Variants in TCF7L2 observed in about 807,000 individuals in gnomAD.
TCF7L2 encodes the protein transcription factor 7 like 2, also known as transcription factor 7-like 2.
In TCF7L2, 23 loss-of-function variants were observed where a neutral mutation model predicts 77.9. That is an observed-to-expected ratio of 0.30 (90% CI 0.21 to 0.42). The LOEUF (loss-of-function observed/expected upper bound fraction) is 0.42. Ranked by LOEUF, TCF7L2 falls within the 10% of genes least tolerant of loss-of-function variation. TCF7L2 has a pLI of 1.00. For missense variants in TCF7L2, 654 were observed against 793.1 expected (o/e 0.82, Z 2.11); for synonymous variants, 413 against 340.2 (o/e 1.21, Z -2.36).
intron 4 of TCF7L2, among the ~76,000 whole-genome samples, chr10:112,999,439 C>T (rs182476514): frequency 6.6e-6 from 1 of 152,182 alleles, no homozygotes; most frequent in Non-Finnish European, 1.5e-5. Context: ...ATAATAGTAT[C>T]TTGTCTTAGC....
At chr10:113,005,009 C>T (rs1314141860) in intron 4 of TCF7L2, among the ~76,000 whole-genome samples, 6 of 152,212 alleles carry the variant, frequency 3.9e-5, no homozygotes, top group Admixed American at 3.9e-4. Context: ...TCTGATGCCT[C>T]AGAAAGTCTT....
rs752575439 is a variant in TCF7L2, at chr10:113,165,739, C to G, written c.1576C>G (p.Leu526Val). ...GTCGCTGTCCCTGAAGCCCGACCCC[C>G]TGGCCCACCTGTCCATGATGCCTCC... The change falls in exon 14 of 14, where the codon CTG (leucine) becomes GTG (valine). Residue 526 changes from leucine to valine, a missense_variant. Physicochemically the swap from Leu to Val is conservative, Grantham distance 32. Around this residue, in one of 6 missense-constraint regions of TCF7L2, gnomAD observed 272 missense variants for 215.4 expected, o/e 1.26. Transcript: ENST00000627217. 1.2e-6 allele frequency: 2 copies of G among 1,612,960 alleles called. No homozygotes were observed. Among genetic ancestry groups the G allele is most frequent in the South Asian group, 2.2e-5 (2 of 90,890 alleles).
intron 4 of TCF7L2, 26 bp from the exon 5 acceptor site, chr10:113,039,999 A>T (rs1036875487): frequency 6.2e-7 from 1 of 1,602,192 alleles, no homozygotes; most frequent in South Asian, 1.1e-5. Flanking sequence ...ATTGTTTTTC[A>T]TTTCACTTTT....
rs1589556356 is a variant in TCF7L2, at chr10:112,950,689, T to G, written c.-68T>G. 1 of 1,495,412 alleles carries G rather than the reference T, an allele frequency of 6.7e-7. No homozygotes were observed. Among genetic ancestry groups the G allele is most frequent in the Admixed American group, 2.5e-5 (1 of 39,996 alleles). 92.6% of individuals were successfully genotyped at this position (1,495,412 alleles called of 1,614,324 possible). A position where few individuals can be genotyped will look rare whatever the true frequency, so the allele number is the denominator to read the frequency against. The stretch of plus-strand genomic sequence containing the variant: ...TTGGGGGGGCAAAACTTTTTGGGGG[T>G]GATTTTTTTTGGCTTTTCTTCCTCC... On this transcript the variant is annotated 5_prime_UTR_variant, in exon 1 of 14. Transcript: ENST00000627217.
intron 5 of TCF7L2, among the ~76,000 whole-genome samples, chr10:113,140,979 A>G (rs2068266004): frequency 6.6e-6 from 1 of 152,170 alleles, no homozygotes; most frequent in Admixed American, 6.5e-5. Flanking sequence ...AATAAAAACT[A>G]AAGCAGACCC....
At chr10:113,030,686 A>G (rs372884854) in intron 4 of TCF7L2, among the ~76,000 whole-genome samples, 1 of 152,326 alleles carries the variant, frequency 6.6e-6, no homozygotes, top group African/African-American at 2.4e-5. Flanking sequence ...GCCAAGGAGC[A>G]TTAGCCTGTC....
At chr10:113,026,138 A>G (rs893498257) in intron 4 of TCF7L2, among the ~76,000 whole-genome samples, 3 of 150,546 alleles carry the variant, frequency 2.0e-5, no homozygotes, top group African/African-American at 7.3e-5. Flanking sequence ...CTCGGCCTCC[A>G]GAAGTGCTGG....
intron 13 of TCF7L2, among the ~76,000 whole-genome samples, chr10:113,160,884 T>C (rs957717223): frequency 1.3e-5 from 2 of 152,118 alleles, no homozygotes; most frequent in African/African-American, 2.4e-5. Context: ...TTCTCTCTTT[T>C]CCCCCTGCTC....
intron 5 of TCF7L2, among the ~76,000 whole-genome samples, chr10:113,107,673 G>A (rs2062527865): frequency 6.8e-6 from 1 of 146,186 alleles, no homozygotes; most frequent in South Asian, 2.2e-4. Flanking sequence ...AACCCGGGAG[G>A]CGGAGCTTAC....
At chr10:113,161,344 A>G (rs1224938727) in intron 13 of TCF7L2, 4 of 559,654 alleles carry the variant, frequency 7.1e-6, no homozygotes, top group Non-Finnish European at 1.3e-5. Flanking sequence ...CAGAATTAAC[A>G]AAATATATGT....
In TCF7L2 at chr10:112,951,489, AGAGGCAAGATG is replaced by A; in HGVS notation, c.268_278del (p.Gln90AlafsTer3). On this transcript the variant is annotated frameshift_variant, in exon 3 of 14. Coordinates refer to ENST00000627217, the MANE Select transcript of TCF7L2 (RefSeq NM_001146274.2). LOFTEE classifies it high-confidence loss of function. ...CGCCGCCCCGCCATGTTAGCGGCCA[AGAGGCAAGATG>A]GAGGGCTCTTTAAGGGGCCACCGTA... The A allele has an allele frequency of 7.0e-7, 1 of 1,431,192 alleles. No individual in the cohort carries two copies. Among genetic ancestry groups the A allele is most frequent in the Non-Finnish European group, 9.3e-7 (1 of 1,069,844 alleles). 88.7% of individuals were successfully genotyped at this position (1,431,192 alleles called of 1,614,324 possible). A position where few individuals can be genotyped will look rare whatever the true frequency, so the allele number is the denominator to read the frequency against.
intron 4 of TCF7L2, among the ~76,000 whole-genome samples, chr10:112,984,364 C>T (rs568114976): frequency 6.6e-6 from 1 of 152,198 alleles, no homozygotes; most frequent in Admixed American, 6.5e-5. Flanking sequence ...TGGCCTTAGG[C>T]TGCGGAAGGC....
rs555376267 is a variant in TCF7L2 at position 113,058,186 on chromosome 10, C to T, written c.552+18060C>T. On this transcript the variant is annotated intron_variant, in intron 5 of 13. Transcript: ENST00000627217. ...TCTTTCAACCTTGGTTCAGTAACAA[C>T]TTGTGACTGCCCAACAGGGCTTCCT... Among the ~76,000 whole-genome samples the T allele has an allele frequency of 5.7e-4, 87 of 152,314 alleles. 1 individual carries two copies. The South Asian group carries it at 0.018, about 31-fold the overall frequency.
chr10:112,982,548 T>C (rs1458080188), intron 4 of TCF7L2, among the ~76,000 whole-genome samples: 1 of 152,212 alleles, frequency 6.6e-6, no homozygotes, highest in African/African-American at 2.4e-5. Flanking sequence ...TTTTCCCCGC[T>C]TGCTTAGTAC....
intron 5 of TCF7L2, among the ~76,000 whole-genome samples, chr10:113,072,056 A>G (rs200457541): frequency 7.0e-6 from 1 of 142,418 alleles, no homozygotes; most frequent in Non-Finnish European, 1.6e-5. Flanking sequence ...TAATTAATTA[A>G]TTAGTTTATT....
intron 4 of TCF7L2, among the ~76,000 whole-genome samples, chr10:112,986,947 G>A (rs144013776): frequency 1.3e-3 from 193 of 152,286 alleles, no homozygotes; most frequent in African/African-American, 4.5e-3. Context: ...ATTGGTGGGT[G>A]AAGACATGCA....
At chr10:113,022,443 A>G (rs558256622) in intron 4 of TCF7L2, among the ~76,000 whole-genome samples, 3 of 152,314 alleles carry the variant, frequency 2.0e-5, no homozygotes, top group South Asian at 4.1e-4. Context: ...AGGAGCCCAT[A>G]TGGAGAAACA....
chr10:113,132,757 A>T (rs1292605075), intron 5 of TCF7L2: 1 of 152,216 alleles, frequency 6.6e-6, no homozygotes, highest in Non-Finnish European at 1.5e-5. Context: ...TAATCATTTA[A>T]TACCCAAGTA....
intron 5 of TCF7L2, among the ~76,000 whole-genome samples, chr10:113,096,580 T>G (rs2060995259): frequency 6.7e-6 from 1 of 150,292 alleles, no homozygotes; most frequent in Non-Finnish European, 1.5e-5. Context: ...AGTAGTTTCT[T>G]TTTTTTTTAG....
Sources: allele counts gnomAD v4.1 joint callset (sites outside exome capture counted in the v4.1 genomes callset), GRCh38; gene constraint gnomAD v4.1.1; regional missense constraint gnomAD v4.1.1; transcripts MANE v1.5; gene names NCBI Gene and HGNC (gene_info 2026-07-23, HGNC 2026-07-21).